RNF217: variants seen among roughly 807,000 people sequenced by gnomAD.
RNF217 encodes ring finger protein 217.
Under a neutral mutation model 57.8 loss-of-function variants are expected in RNF217, and 31 were observed. The ratio of observed to expected loss-of-function variants is 0.54; its 90% CI spans 0.40 to 0.72. The LOEUF is 0.72. Among genes scored for constraint, RNF217 ranks in the 30% least tolerant of loss-of-function variants. The probability of loss-of-function intolerance (pLI) is 0.00; values close to 1 mark genes in which losing one functional copy is unlikely to be tolerated. For missense variants in RNF217, 696 were observed against 708.3 expected (o/e 0.98, Z 0.20); for synonymous variants, 313 against 294.0 (o/e 1.06, Z -0.66).
chr6:124,969,117 A>G (rs1269495142), intron 1 of RNF217, among the ~76,000 whole-genome samples: 1 of 152,182 alleles, frequency 6.6e-6, no homozygotes, highest in Non-Finnish European at 1.5e-5. Flanking sequence ...CAGTTCTGGG[A>G]CACCAGCTAA....
chr6:125,028,526 T>C (rs753908134), intron 1 of RNF217, among the ~76,000 whole-genome samples: 8 of 152,054 alleles, frequency 5.3e-5, no homozygotes, highest in Non-Finnish European at 1.0e-4. Context: ...CTACACTGAG[T>C]TTCTCACTGT....
chr6:125,084,097 C>G lies in RNF217; in HGVS notation c.*1160C>G, dbSNP rs377728289. On this transcript the variant is annotated 3_prime_UTR_variant, in exon 6 of 6. Coordinates refer to ENST00000521654, the MANE Select transcript of RNF217 (RefSeq NM_001286398.3). ...TCCTAACCTTGTTATCTCTTGCCTC[C>G]TCCTCTCTGTTTTTATTTGTTTTCA... The G allele has an allele frequency of 6.6e-6, 1 of 151,978 alleles. No individual in the cohort carries two copies. Among genetic ancestry groups the G allele is most frequent in the East Asian group, 1.9e-4 (1 of 5,184 alleles). 9.4% of individuals were successfully genotyped at this position (151,978 alleles called of 1,614,324 possible).
intron 1 of RNF217, among the ~76,000 whole-genome samples, chr6:125,024,582 G>A (rs1785991678): frequency 6.6e-6 from 1 of 152,072 alleles, no homozygotes; most frequent in Non-Finnish European, 1.5e-5. Flanking sequence ...GCCAGACATA[G>A]CGGTGCATGC....
In RNF217 at chr6:125,081,436, C is replaced by A; in HGVS notation, c.1484C>A (p.Ala495Asp). 1 of 1,610,112 alleles carries A rather than the reference C, an allele frequency of 6.2e-7. No homozygotes were observed. Among genetic ancestry groups the A allele is most frequent in the Non-Finnish European group, 8.5e-7 (1 of 1,177,658 alleles). Residue 495 changes from alanine to aspartate, a missense_variant and splice_region_variant, in exon 5 of 6, where the codon GCT (alanine) becomes GAT (aspartate). By Grantham distance (126) the Ala-to-Asp change is moderately radical. Transcript: ENST00000521654. Reference sequence around the variant, plus strand: ...AATAATTTTGCCTTTTGTTTTCCAGCTGGAAAATTATTCATTGCACCTCTA... The same window carrying A: ...AATAATTTTGCCTTTTGTTTTCCAGATGGAAAATTATTCATTGCACCTCTA... ...LRRLVRGSVC[A>D]GKLFIAPLIM...
intron 1 of RNF217, among the ~76,000 whole-genome samples, chr6:124,996,835 C>A (rs1420001119): frequency 2.0e-5 from 3 of 152,094 alleles, no homozygotes; most frequent in Non-Finnish European, 4.4e-5. Context: ...TATTACTTAT[C>A]TATTTTTTAC....
At chr6:124,976,129 A>G (rs985062743) in intron 1 of RNF217, among the ~76,000 whole-genome samples, 17 of 152,156 alleles carry the variant, frequency 1.1e-4, no homozygotes, top group African/African-American at 3.9e-4. Context: ...CTGTTTGTCA[A>G]GTTCTCATGG....
rs1296483858 is a variant in RNF217, at chr6:125,089,932, T to G, written c.*6995T>G. The G allele has an allele frequency of 6.6e-6, 1 of 152,166 alleles. No individual in the cohort carries two copies. Among genetic ancestry groups the G allele is most frequent in the Non-Finnish European group, 1.5e-5 (1 of 68,026 alleles). The allele number at this position is 152,166 out of a possible 1,614,324, so 9.4% of individuals were successfully genotyped here. ...TGATATAAATATCTAAATTCTTTCA[T>G]TTTATAGAAAATTAGCATGCTTTAT... On this transcript the variant is annotated 3_prime_UTR_variant, in exon 6 of 6. Coordinates refer to ENST00000521654, the MANE Select transcript of RNF217 (RefSeq NM_001286398.3).
rs1788640428 is a variant in RNF217, at chr6:125,083,129, A to C, written c.*192A>C. 2.3e-6 allele frequency: 1 copy of C among 441,670 alleles called. No individual in the cohort carries two copies. The highest frequency in any genetic ancestry group is 4.0e-6 in the Non-Finnish European group (1 of 252,390). 27.4% of individuals were successfully genotyped at this position (441,670 alleles called of 1,614,324 possible). A position where few individuals can be genotyped will look rare whatever the true frequency, so the allele number is the denominator to read the frequency against. ...ACATGGTATCCTGTCCTTTCCCTAA[A>C]CAAATTGCTGCTGCTTTTAAAAAAT... On this transcript the variant is annotated 3_prime_UTR_variant, in exon 6 of 6. Coordinates refer to ENST00000521654, the MANE Select transcript of RNF217 (RefSeq NM_001286398.3).
At chr6:125,003,104 G>A (rs7768477) in intron 1 of RNF217, among the ~76,000 whole-genome samples, 12,040 of 151,734 alleles carry the variant, frequency 0.079, 1,646 homozygotes, top group African/African-American at 0.28. Flanking sequence ...AAACACACAC[G>A]CACACAAACA....
In RNF217 at chr6:124,962,734, A is replaced by G. The variant is rs768284480; in HGVS notation, c.190A>G (p.Thr64Ala). ...CGGAAGCGACTGGGGCTGCGCGGACACCAGCGCCCCAGAGCCCGCGAGGAG... is the reference window on the plus strand; with the variant it reads ...CGGAAGCGACTGGGGCTGCGCGGACGCCAGCGCCCCAGAGCCCGCGAGGAG... ...GCGSDWGCAD[T>A]SAPEPARSLG... The change falls in exon 1 of 6, where the codon ACC becomes GCC. Residue 64 changes from threonine (T) to alanine (A), a missense_variant. By Grantham distance (58) the Thr-to-Ala change is moderately conservative. Around this residue, in one of 2 missense-constraint regions of RNF217, gnomAD observed 465 missense variants for 386.8 expected, o/e 1.20. Transcript: ENST00000521654. This position sits in a 1 kb window ranked among gnomAD's most constrained non-coding sequence, Gnocchi z 4.6. The G allele has an allele frequency of 1.3e-6, 2 of 1,568,272 alleles. No homozygotes were observed. The highest frequency in any genetic ancestry group is 1.7e-6 in the Non-Finnish European group (2 of 1,167,024).
chr6:124,993,189 T>C (rs992400094), intron 1 of RNF217, among the ~76,000 whole-genome samples: 2 of 152,198 alleles, frequency 1.3e-5, no homozygotes, highest in Non-Finnish European at 2.9e-5. Flanking sequence ...GCATGAGGCA[T>C]CTATTAAAAA....
intron 3 of RNF217, among the ~76,000 whole-genome samples, chr6:125,062,146 T>G (rs1248986013): frequency 6.6e-6 from 1 of 152,112 alleles, no homozygotes; most frequent in Admixed American, 6.5e-5. Flanking sequence ...CTTTGTTAAA[T>G]TTGCTAATCT....
intron 1 of RNF217, among the ~76,000 whole-genome samples, chr6:124,990,037 A>G (rs1035911436): frequency 1.1e-4 from 17 of 152,068 alleles, no homozygotes; most frequent in African/African-American, 3.9e-4. Context: ...ACCCATTTCA[A>G]TCAAGCTTTG....
At chr6:125,050,297 G>A (rs559998489) in intron 2 of RNF217, among the ~76,000 whole-genome samples, 2 of 151,948 alleles carry the variant, frequency 1.3e-5, no homozygotes, top group East Asian at 3.9e-4. Flanking sequence ...CTTCAGACAA[G>A]ACTAATAATC....
chr6:125,033,975 T>TGGCTGCATAAATGTCTTC (rs1786485165), intron 1 of RNF217, among the ~76,000 whole-genome samples: 1 of 152,054 alleles, frequency 6.6e-6, no homozygotes, highest in Non-Finnish European at 1.5e-5. Flanking sequence ...ATGTGTCTTT[T>TGGCTGCATAAATGTCTTC]GGCTGCATAA....
chr6:124,990,131 G>A (rs547159748), intron 1 of RNF217, among the ~76,000 whole-genome samples: 37 of 152,164 alleles, frequency 2.4e-4, no homozygotes, highest in African/African-American at 8.7e-4. Context: ...TTCTTCACTT[G>A]ACTTCAAGGA....
intron 1 of RNF217, among the ~76,000 whole-genome samples, chr6:125,029,090 A>G (rs1204918953): frequency 6.6e-6 from 1 of 152,172 alleles, no homozygotes; most frequent in East Asian, 1.9e-4. Context: ...CAATAACAAG[A>G]CATTTAAAAC....
At chr6:125,034,511 T>C (rs1046525668) in intron 1 of RNF217, among the ~76,000 whole-genome samples, 1 of 152,108 alleles carries the variant, frequency 6.6e-6, no homozygotes, top group Non-Finnish European at 1.5e-5. Context: ...GTTGTAGATA[T>C]GCGACATTAT....
rs1041754512 is a variant in RNF217, at chr6:125,083,617, C to T, written c.*680C>T. 5 of 152,042 alleles carry T rather than the reference C, an allele frequency of 3.3e-5. No homozygotes were observed. Among genetic ancestry groups the T allele is most frequent in the Admixed American group, 2.6e-4 (4 of 15,234 alleles). 9.4% of individuals were successfully genotyped at this position (152,042 alleles called of 1,614,324 possible). On this transcript the variant is annotated 3_prime_UTR_variant, in exon 6 of 6. Transcript: ENST00000521654. ...ACCTTGTACTTACCCAGTTCCATGC[C>T]GCTACACTATTTTTCCACATTTTCA... is the stretch of plus-strand genomic sequence containing the variant.
Sources: gnomAD v4.1 joint callset for allele counts (sites outside exome capture counted in the v4.1 genomes callset) on GRCh38, gnomAD v4.1.1 for gene constraint, gnomAD v4.1.1 regional missense constraint, Gnocchi (gnomAD v3.1) non-coding constraint, MANE v1.5 for transcripts, NCBI Gene and HGNC (gene_info 2026-07-23, HGNC 2026-07-21) for gene names.